The following EXOC4 variants were observed in gnomAD, a reference collection of about 807,000 sequenced individuals.
EXOC4 encodes SEC8-like 1.
A neutral mutation model predicts 107.2 loss-of-function variants in EXOC4; 71 were observed. The ratio of observed to expected loss-of-function variants is 0.66; its 90% CI spans 0.55 to 0.81. The LOEUF (loss-of-function observed/expected upper bound fraction) is 0.81. Ranked by LOEUF, EXOC4 falls within the 30% of genes least tolerant of loss-of-function variation. EXOC4 has a pLI of 0.00. For missense variants in EXOC4, 1,108 were observed against 1,189.6 expected, an observed-to-expected ratio of 0.93 and a Z score of 1.01; for synonymous variants, 456 against 441.2, an observed-to-expected ratio of 1.03 and a Z score of -0.42.
At chr7:133,506,210 G>A (rs1392179851) in intron 9 of EXOC4, among the ~76,000 whole-genome samples, 1 of 152,094 alleles carries the variant, frequency 6.6e-6, no homozygotes, top group Non-Finnish European at 1.5e-5. Context: ...GTTTTAAGTT[G>A]TAGATGGCAC....
At chr7:133,313,009 T>C (rs2150576224) in intron 4 of EXOC4, among the ~76,000 whole-genome samples, 1 of 152,266 alleles carries the variant, frequency 6.6e-6, no homozygotes, top group African/African-American at 2.4e-5. Context: ...AGAGAAAATT[T>C]GGTGTCCATA....
intron 10 of EXOC4, among the ~76,000 whole-genome samples, chr7:133,772,383 C>G (rs1053605382): frequency 7.9e-5 from 12 of 152,060 alleles, no homozygotes; most frequent in African/African-American, 2.9e-4. Context: ...TAAATTCAAA[C>G]TAGCAGGCTT....
intron 6 of EXOC4, among the ~76,000 whole-genome samples, chr7:133,367,402 A>G (rs2150676623): frequency 6.6e-6 from 1 of 152,292 alleles, no homozygotes; most frequent in Admixed American, 6.5e-5. Flanking sequence ...AGTAGAAACA[A>G]GTGCCGCGGC....
In EXOC4 at chr7:133,745,047, A is replaced by G. The variant is rs560134749; in HGVS notation, c.1515-72278A>G. ...ATGTCTAGAAATTTGCCAAGGAGATAATTTTTGAAAGTTCACTTTTTCTCC... is the reference window on the plus strand; with the variant it reads ...ATGTCTAGAAATTTGCCAAGGAGATGATTTTTGAAAGTTCACTTTTTCTCC... On this transcript the variant is annotated intron_variant, in intron 10 of 17. Coordinates refer to ENST00000253861, the MANE Select transcript of EXOC4 (RefSeq NM_021807.4). Among the ~76,000 whole-genome samples, 16 of 152,252 alleles carry G rather than the reference A, an allele frequency of 1.1e-4. No individual in the cohort carries two copies. The South Asian group carries it at 3.1e-3, about 30-fold the overall frequency.
chr7:133,618,001 C>T (rs776977357), intron 9 of EXOC4, among the ~76,000 whole-genome samples: 7 of 152,074 alleles, frequency 4.6e-5, no homozygotes, highest in Non-Finnish European at 1.0e-4. Context: ...CATACACACA[C>T]ATGATACACA....
At chr7:133,341,877 G>T (rs535305192) in intron 5 of EXOC4, among the ~76,000 whole-genome samples, 51 of 152,214 alleles carry the variant, frequency 3.4e-4, no homozygotes, top group East Asian at 1.9e-3. Flanking sequence ...CTGTCCACAT[G>T]CATGGAATAT....
intron 9 of EXOC4, among the ~76,000 whole-genome samples, chr7:133,618,603 C>G (rs1336054457): frequency 6.6e-6 from 1 of 152,154 alleles, no homozygotes; most frequent in Non-Finnish European, 1.5e-5. Context: ...ATTGAATTTA[C>G]TGAATTCAGT....
chr7:133,964,450 G>A (rs1211637862), intron 14 of EXOC4, among the ~76,000 whole-genome samples: 4 of 152,012 alleles, frequency 2.6e-5, no homozygotes, highest in Admixed American at 6.5e-5. Context: ...TCTACATTAG[G>A]TATTTCTCCT....
At chr7:133,655,718 A>G (rs1191937480) in intron 10 of EXOC4, among the ~76,000 whole-genome samples, 2 of 152,312 alleles carry the variant, frequency 1.3e-5, no homozygotes, top group South Asian at 4.1e-4. Flanking sequence ...TGGAGCTGCC[A>G]TCTCCTAGGA....
chr7:134,063,647 G>A (rs1200327541), intron 17 of EXOC4, among the ~76,000 whole-genome samples: 1 of 152,136 alleles, frequency 6.6e-6, no homozygotes, highest in African/African-American at 2.4e-5. Flanking sequence ...TTTCCTCCTT[G>A]TCTCCGAGCT....
At chr7:133,450,709 T>G (rs1486077437) in intron 7 of EXOC4, among the ~76,000 whole-genome samples, 2 of 152,256 alleles carry the variant, frequency 1.3e-5, no homozygotes, top group Non-Finnish European at 2.9e-5. Context: ...TCTGTTTTTC[T>G]GAGATGGAAC....
At chr7:133,781,671 T>A (rs1052508382) in intron 10 of EXOC4, among the ~76,000 whole-genome samples, 5 of 152,178 alleles carry the variant, frequency 3.3e-5, no homozygotes, top group Non-Finnish European at 7.3e-5. Flanking sequence ...GATTGATATG[T>A]CCCCAGAGAG....
chr7:133,503,390 C>T (rs1179127867), intron 9 of EXOC4, among the ~76,000 whole-genome samples: 1 of 152,144 alleles, frequency 6.6e-6, no homozygotes, highest in Non-Finnish European at 1.5e-5. Context: ...CTCTCTAAAG[C>T]CCCTCTGGTT....
intron 10 of EXOC4, among the ~76,000 whole-genome samples, chr7:133,666,049 TTATAGCATGGCA>T (rs1433582738): frequency 6.6e-6 from 1 of 152,222 alleles, no homozygotes; most frequent in Non-Finnish European, 1.5e-5. Context: ...TGCATGACTT[TTATAGCATGGCA>T]TAAAGTAGAG....
At chr7:133,303,043 A>G (rs1391736204) in intron 3 of EXOC4, among the ~76,000 whole-genome samples, 2 of 152,242 alleles carry the variant, frequency 1.3e-5, no homozygotes, top group African/African-American at 2.4e-5. Flanking sequence ...AGTACAACAG[A>G]ATTGACTGTC....
chr7:133,377,177 C>T (rs1293170183), intron 7 of EXOC4, among the ~76,000 whole-genome samples: 1 of 151,980 alleles, frequency 6.6e-6, no homozygotes, highest in African/African-American at 2.4e-5. Context: ...AATGGTGAAA[C>T]CCTGTCTCTA....
At chr7:133,862,230 G>A (rs773636857) in intron 11 of EXOC4, among the ~76,000 whole-genome samples, 2 of 150,870 alleles carry the variant, frequency 1.3e-5, no homozygotes, top group African/African-American at 4.9e-5. Flanking sequence ...GGTGGTTCAC[G>A]CCTGTAATTC....
chr7:133,834,047 A>G (rs957964995), intron 11 of EXOC4, among the ~76,000 whole-genome samples: 1 of 152,184 alleles, frequency 6.6e-6, no homozygotes, highest in African/African-American at 2.4e-5. Context: ...ACCCCTGCAT[A>G]TTAGTAAGAT....
chr7:133,932,352 G>A (rs996642585), intron 13 of EXOC4, among the ~76,000 whole-genome samples: 2 of 152,272 alleles, frequency 1.3e-5, no homozygotes, highest in Non-Finnish European at 2.9e-5. Flanking sequence ...ACAGGAGTAG[G>A]AGAGATACTG....
Sources: allele counts gnomAD v4.1 joint callset (sites outside exome capture counted in the v4.1 genomes callset), GRCh38; gene constraint gnomAD v4.1.1; transcripts MANE v1.5; gene names NCBI Gene and HGNC (gene_info 2026-07-23, HGNC 2026-07-21).